Variants in LIN9 observed in about 807,000 individuals in gnomAD.
The protein encoded by LIN9 is lin-9 DREAM MuvB core complex component.
In LIN9, 18 loss-of-function variants were observed where a neutral mutation model predicts 78.0. The observed-to-expected ratio is 0.23, with a 90% confidence interval of 0.16 to 0.34. The LOEUF (loss-of-function observed/expected upper bound fraction) is 0.34, where lower values mean the gene tolerates loss of function less well. Among genes scored for constraint, LIN9 ranks in the 10% least tolerant of loss-of-function variants. The pLI, the probability that LIN9 is intolerant of heterozygous loss-of-function variation, is 1.00. For missense variants in LIN9, 451 were observed against 644.1 expected (o/e 0.70, Z 3.25); for synonymous variants, 192 against 215.2 (o/e 0.89, Z 0.94).
In LIN9 at chr1:226,285,843, T is replaced by C. The variant is rs186929220; in HGVS notation, c.524+490A>G. On this transcript the variant is annotated intron_variant, in intron 6 of 14. Coordinates refer to ENST00000681046, the MANE Select transcript of LIN9 (RefSeq NM_001366245.2). ...ACTTTACAGCATCCTTAAATACTTT[T>C]TAGGACATTCTTAAATATTTTTTGG... Among the ~76,000 whole-genome samples the C allele has an allele frequency of 9.7e-4, 147 of 152,268 alleles. 1 individual carries two copies. The highest frequency in any genetic ancestry group is 1.7e-3 in the Non-Finnish European group (114 of 68,004).
upstream of LIN9, chr1:226,309,550 C>G (rs1449362101): frequency 1.7e-6 from 2 of 1,180,262 alleles, no homozygotes; most frequent in East Asian, 1.5e-4. Flanking sequence ...GGGAGGGAGG[C>G]CCCGGCGGGG....
At chr1:226,261,609 T>A (rs1238563184) in intron 10 of LIN9, among the ~76,000 whole-genome samples, 2 of 152,166 alleles carry the variant, frequency 1.3e-5, no homozygotes, top group Non-Finnish European at 2.9e-5. Context: ...AAAACTCTGA[T>A]GAAAGAAATC....
upstream of LIN9, chr1:226,309,615 G>T: frequency 7.9e-7 from 1 of 1,262,532 alleles, no homozygotes; most frequent in South Asian, 1.3e-5. Context: ...TACGCAAAGT[G>T]AAATACTCAC....
chr1:226,279,111 A>G (rs1056380695), intron 6 of LIN9, among the ~76,000 whole-genome samples: 1 of 152,032 alleles, frequency 6.6e-6, no homozygotes, highest in Non-Finnish European at 1.5e-5. Flanking sequence ...CAGTGAGCCA[A>G]GATCGTGCCA....
intron 7 of LIN9, among the ~76,000 whole-genome samples, chr1:226,269,880 A>G (rs1660156492): frequency 6.6e-6 from 1 of 152,164 alleles, no homozygotes; most frequent in Non-Finnish European, 1.5e-5. Flanking sequence ...CCCGATCAAG[A>G]TGTTTGAGCA....
Position 226,265,705 on chromosome 1 carries a change from T to C in LIN9, c.937-71A>G, listed in dbSNP as rs1659858663. The C allele has an allele frequency of 4.3e-5, 37 of 851,164 alleles. No individual in the cohort carries two copies. In the South Asian group the frequency reaches 5.9e-4, roughly 14 times the overall value. 52.7% of individuals were successfully genotyped at this position (851,164 alleles called of 1,614,324 possible). On this transcript the variant is annotated intron_variant, in intron 9 of 14. Transcript: ENST00000681046. This position sits in a 1 kb window ranked among gnomAD's most constrained non-coding sequence, Gnocchi z 4.1. ...AAGTATCTTATTTTTTTATTTTTAT[T>C]TTTTTTTAGACGGAGTCTCGCTCTG... is the stretch of plus-strand genomic sequence containing the variant.
intron 8 of LIN9, among the ~76,000 whole-genome samples, chr1:226,267,040 A>T (rs1314935265): frequency 6.6e-6 from 1 of 151,920 alleles, no homozygotes; most frequent in Non-Finnish European, 1.5e-5. Context: ...TCAGCCTCCC[A>T]AAGTGCTGGG....
intron 11 of LIN9, among the ~76,000 whole-genome samples, chr1:226,243,864 C>T (rs1024354029): frequency 7.8e-6 from 1 of 128,926 alleles, no homozygotes; most frequent in Non-Finnish European, 1.6e-5. Flanking sequence ...CACATATACA[C>T]ATACAATTAA....
At chr1:226,233,049 A>T in intron 14 of LIN9, 47 bp downstream of exon 14, 1 of 1,131,058 alleles carries the variant, frequency 8.8e-7, no homozygotes, top group Non-Finnish European at 1.3e-6. Context: ...ACTGAAAATT[A>T]CTATGAACTT....
At chr1:226,260,027 AAAAG>A (rs1376368138) in intron 10 of LIN9, among the ~76,000 whole-genome samples, 1 of 152,186 alleles carries the variant, frequency 6.6e-6, no homozygotes, top group Non-Finnish European at 1.5e-5. Flanking sequence ...AGGCTAAGAA[AAAAG>A]AGAGAGGACA....
chr1:226,303,933 A>G (rs557197781), intron 1 of LIN9, among the ~76,000 whole-genome samples: 2 of 152,318 alleles, frequency 1.3e-5, no homozygotes, highest in East Asian at 3.9e-4. Context: ...GATGCAGGAT[A>G]GCATAGTGGT....
intron 8 of LIN9, 81 bp from the exon 9 acceptor site, chr1:226,266,413 G>GAT (rs1163390315): frequency 8.4e-7 from 1 of 1,188,110 alleles, no homozygotes; most frequent in African/African-American, 1.6e-5. Flanking sequence ...TTCAGCTTGA[G>GAT]ATATATATTC....
intron 11 of LIN9, 143 bp downstream of exon 11, chr1:226,250,696 T>G: frequency 1.8e-6 from 1 of 551,274 alleles, no homozygotes; most frequent in Non-Finnish European, 3.2e-6. Flanking sequence ...ACTACAGGTG[T>G]GGACCTCATG....
At chr1:226,295,504 A>G (rs1662091732) in intron 4 of LIN9, among the ~76,000 whole-genome samples, 1 of 151,828 alleles carries the variant, frequency 6.6e-6, no homozygotes, top group Non-Finnish European at 1.5e-5. Context: ...TCTCTTGGAT[A>G]AAGGAAGTCT....
At position 226,232,785 on chromosome 1, in the gene LIN9, A is replaced by G; in HGVS notation, c.1524-179T>C. On this transcript the variant is annotated intron_variant, in intron 14 of 14. Coordinates refer to ENST00000681046, the MANE Select transcript of LIN9 (RefSeq NM_001366245.2). The stretch of plus-strand genomic sequence containing the variant: ...AGTAGTAGTTGAACAAATATGCTCT[A>G]AAGAAGCAAAGGAGCCACGGGGGGC... 5.9e-6 allele frequency: 3 copies of G among 504,278 alleles called. No homozygotes were observed. In the South Asian group the frequency reaches 1.0e-4, roughly 17 times the overall value. 31.2% of individuals were successfully genotyped at this position (504,278 alleles called of 1,614,324 possible). A position where few individuals can be genotyped will look rare whatever the true frequency, so the allele number is the denominator to read the frequency against.
chr1:226,265,693 T>G lies in LIN9; in HGVS notation c.937-59A>C. The G allele has an allele frequency of 1.1e-6, 1 of 929,192 alleles. No individual in the cohort carries two copies. Among genetic ancestry groups the G allele is most frequent in the Non-Finnish European group, 1.6e-6 (1 of 607,252 alleles). 57.6% of individuals were successfully genotyped at this position (929,192 alleles called of 1,614,324 possible). Reference sequence around the variant, plus strand: ...ACTATTCAGAGGAAGTATCTTATTTTTTTATTTTTATTTTTTTTTAGACGG... The same window carrying G: ...ACTATTCAGAGGAAGTATCTTATTTGTTTATTTTTATTTTTTTTTAGACGG... On this transcript the variant is annotated intron_variant, in intron 9 of 14. Coordinates refer to ENST00000681046, the MANE Select transcript of LIN9 (RefSeq NM_001366245.2). This position sits in a 1 kb window ranked among gnomAD's most constrained non-coding sequence, Gnocchi z 4.1.
At chr1:226,237,714 G>A (rs1012181878) in intron 12 of LIN9, among the ~76,000 whole-genome samples, 3 of 151,138 alleles carry the variant, frequency 2.0e-5, no homozygotes, top group African/African-American at 7.3e-5. Context: ...TTGGGAGGCC[G>A]AGGAGGGCGG....
chr1:226,233,732 T>C (rs933740160), intron 12 of LIN9, among the ~76,000 whole-genome samples: 13 of 152,218 alleles, frequency 8.5e-5, no homozygotes, highest in Admixed American at 8.5e-4. Flanking sequence ...TTCAAACTTC[T>C]AAAAAAAGTT....
At chr1:226,286,725 A>T (rs969365561) in intron 5 of LIN9, among the ~76,000 whole-genome samples, 3 of 152,176 alleles carry the variant, frequency 2.0e-5, no homozygotes, top group African/African-American at 4.8e-5. Flanking sequence ...TTGGGAGGCT[A>T]TCGTGGCCCT....
Sources: gnomAD v4.1 joint callset for allele counts (sites outside exome capture counted in the v4.1 genomes callset) on GRCh38, gnomAD v4.1.1 for gene constraint, Gnocchi (gnomAD v3.1) non-coding constraint, MANE v1.5 for transcripts, NCBI Gene and HGNC (gene_info 2026-07-23, HGNC 2026-07-21) for gene names.